MIPEP: variants seen among roughly 807,000 people sequenced by gnomAD.
MIPEP encodes mitochondrial intermediate peptidase.
MIPEP carries 79 observed loss-of-function variants against 90.3 expected under a neutral mutation model. That is an observed-to-expected ratio of 0.87 (90% CI 0.73 to 1.05). MIPEP has a LOEUF of 1.05. Among genes scored for constraint, MIPEP ranks in the 50% least tolerant of loss-of-function variants. The pLI is 0.00. For synonymous variants in MIPEP, 334 were observed against 315.8 expected (o/e 1.06, Z -0.61); for missense variants, 940 against 905.6 (o/e 1.04, Z -0.49).
At chr13:23,776,856 T>C (rs1407061716) in intron 16 of MIPEP, among the ~76,000 whole-genome samples, 2 of 151,882 alleles carry the variant, frequency 1.3e-5, no homozygotes, top group South Asian at 2.1e-4. Flanking sequence ...AGAAAATATA[T>C]AGTGCACAGC....
At chr13:23,803,985 A>C (rs1366353241) in intron 16 of MIPEP, among the ~76,000 whole-genome samples, 1 of 152,212 alleles carries the variant, frequency 6.6e-6, no homozygotes, top group Non-Finnish European at 1.5e-5. Context: ...TGAATTGTGG[A>C]GCTAATCCCA....
chr13:23,745,647 A>G (rs11620019), intron 18 of MIPEP, among the ~76,000 whole-genome samples: 32,861 of 152,038 alleles, frequency 0.22, 4,077 homozygotes, highest in Non-Finnish European at 0.28. Context: ...CTAGATCCAG[A>G]CCAGGTGCAG....
In MIPEP at chr13:23,886,518, A is replaced by G; in HGVS notation, c.190-12T>C. The G allele has an allele frequency of 6.5e-7, 1 of 1,530,968 alleles. No individual in the cohort carries two copies. Among genetic ancestry groups the G allele is most frequent in the South Asian group, 1.3e-5 (1 of 79,542 alleles). 94.8% of individuals were successfully genotyped at this position (1,530,968 alleles called of 1,614,324 possible). A position where few individuals can be genotyped will look rare whatever the true frequency, so the allele number is the denominator to read the frequency against. On this transcript the variant is annotated splice_polypyrimidine_tract_variant and intron_variant, in intron 1 of 18. Transcript: ENST00000382172. The stretch of plus-strand genomic sequence containing the variant: ...ACTCCAAAAAGACCCTTAGAACCAA[A>G]GAATACGTCTGATTTATAACCAAAA...
intron 16 of MIPEP, among the ~76,000 whole-genome samples, chr13:23,792,423 C>T (rs1952906539): frequency 6.6e-6 from 1 of 152,218 alleles, no homozygotes; most frequent in Admixed American, 6.5e-5. Context: ...GAGGCAGGGT[C>T]TTGCCCAGGC....
At chr13:23,790,788 T>A (rs1342371471) in intron 16 of MIPEP, among the ~76,000 whole-genome samples, 1 of 152,144 alleles carries the variant, frequency 6.6e-6, no homozygotes, top group Non-Finnish European at 1.5e-5. Context: ...GAAAACACAT[T>A]TTTGCTATAT....
intron 16 of MIPEP, among the ~76,000 whole-genome samples, chr13:23,788,822 G>A (rs1402264594): frequency 6.6e-6 from 1 of 152,132 alleles, no homozygotes; most frequent in Non-Finnish European, 1.5e-5. Context: ...ATTGGCTTAA[G>A]GGATATGTAA....
chr13:23,818,051 G>T (rs1190327976), intron 14 of MIPEP, among the ~76,000 whole-genome samples: 1 of 152,062 alleles, frequency 6.6e-6, no homozygotes, highest in Non-Finnish European at 1.5e-5. Context: ...GTCACAGTTG[G>T]GCCATACACT....
intron 15 of MIPEP, among the ~76,000 whole-genome samples, chr13:23,809,078 G>A (rs143846964): frequency 1.2e-4 from 19 of 152,262 alleles, no homozygotes; most frequent in African/African-American, 4.1e-4. Context: ...CTGATGTCAT[G>A]CAGACCTGGC....
intron 16 of MIPEP, among the ~76,000 whole-genome samples, chr13:23,762,165 T>A (rs1040612907): frequency 1.3e-4 from 20 of 152,098 alleles, no homozygotes; most frequent in African/African-American, 1.4e-4. Flanking sequence ...ACAACTTTTT[T>A]AAAAAGCTTA....
At chr13:23,775,908 G>T (rs745589068) in intron 16 of MIPEP, among the ~76,000 whole-genome samples, 1 of 152,078 alleles carries the variant, frequency 6.6e-6, no homozygotes, top group African/African-American at 2.4e-5. Context: ...ATATTTAAAA[G>T]AATTTTTTTT....
At chr13:23,869,591 G>C (rs1870693573) in intron 6 of MIPEP, 143 bp from the exon 7 acceptor site, 4 of 747,406 alleles carry the variant, frequency 5.4e-6, no homozygotes, top group Non-Finnish European at 8.1e-6. Context: ...AGGCCATAAA[G>C]CTTCCAGAGT....
At chr13:23,868,143 G>A (rs1023120992) in intron 7 of MIPEP, among the ~76,000 whole-genome samples, 2 of 151,964 alleles carry the variant, frequency 1.3e-5, no homozygotes, top group Admixed American at 6.6e-5. Flanking sequence ...TTAAGGGTTC[G>A]GGGACAAAGG....
intron 16 of MIPEP, among the ~76,000 whole-genome samples, chr13:23,788,711 G>A (rs1168108933): frequency 6.6e-6 from 1 of 152,136 alleles, no homozygotes; most frequent in Non-Finnish European, 1.5e-5. Flanking sequence ...CTTGAATGCT[G>A]GATTCTTTCC....
intron 2 of MIPEP, among the ~76,000 whole-genome samples, chr13:23,884,870 G>A (rs1871409483): frequency 6.6e-6 from 1 of 152,138 alleles, no homozygotes; most frequent in African/African-American, 2.4e-5. Context: ...ATGTAGACAG[G>A]ATCATAAATG....
At position 23,843,097 on chromosome 13, in the gene MIPEP, C is replaced by CAAA. The variant is rs397977292; in HGVS notation, c.1107-1612_1107-1610dup. ...GGCGACAGAGCAAGACTCTCCATCT[C>CAAA]AAAAAAAAAAAAAAAAAAAAAAGGA... On this transcript the variant is annotated intron_variant, in intron 10 of 18. Coordinates refer to ENST00000382172, the MANE Select transcript of MIPEP (RefSeq NM_005932.4). Among the ~76,000 whole-genome samples the CAAA allele has an allele frequency of 6.0e-3, 318 of 53,198 alleles. 6 individuals are homozygous for CAAA. The highest frequency in any genetic ancestry group is 0.013 in the Middle Eastern group (1 of 76). The allele number at this position is 53,198 out of a possible 152,430, so 34.9% of individuals were successfully genotyped here.
intron 16 of MIPEP, among the ~76,000 whole-genome samples, chr13:23,773,694 T>C (rs959110855): frequency 6.6e-6 from 1 of 152,222 alleles, no homozygotes; most frequent in African/African-American, 2.4e-5. Context: ...TGGTTTTGAT[T>C]TGCATATCCC....
intron 10 of MIPEP, among the ~76,000 whole-genome samples, chr13:23,854,291 T>A (rs1452144495): frequency 6.6e-6 from 1 of 151,824 alleles, no homozygotes; most frequent in East Asian, 1.9e-4. Context: ...CTTAAACAAT[T>A]TTTTCTTTGT....
intron 4 of MIPEP, 108 bp from the exon 5 acceptor site, chr13:23,875,017 G>A: frequency 1.8e-6 from 1 of 565,444 alleles, no homozygotes; most frequent in Admixed American, 4.0e-5. Flanking sequence ...ACTGCCAAAA[G>A]TTTCTTCAAA....
At chr13:23,885,150 A>G (rs1871422429) in intron 2 of MIPEP, among the ~76,000 whole-genome samples, 1 of 152,238 alleles carries the variant, frequency 6.6e-6, no homozygotes, top group Non-Finnish European at 1.5e-5. Context: ...GTCATTTTCA[A>G]CAACATGGAT....
Sources: allele counts gnomAD v4.1 joint callset (sites outside exome capture counted in the v4.1 genomes callset), GRCh38; gene constraint gnomAD v4.1.1; transcripts MANE v1.5; gene names NCBI Gene and HGNC (gene_info 2026-07-23, HGNC 2026-07-21).